Variants in ZNF217 observed in about 807,000 individuals in gnomAD.
ZNF217 encodes the protein zinc finger protein 217.
In ZNF217, 12 loss-of-function variants were observed where a neutral mutation model predicts 73.3. The ratio of observed to expected loss-of-function variants is 0.16; its 90% CI spans 0.10 to 0.27. ZNF217 has a LOEUF of 0.27. Ranked by LOEUF, ZNF217 falls within the 10% of genes least tolerant of loss-of-function variation. The pLI, the probability that ZNF217 is intolerant of heterozygous loss-of-function variation, is 1.00. For missense variants in ZNF217, 1,195 were observed against 1,327.8 expected, an observed-to-expected ratio of 0.90 and a Z score of 1.55; for synonymous variants, 588 against 516.4, an observed-to-expected ratio of 1.14 and a Z score of -1.88.
At position 53,577,031 on chromosome 20, in the gene ZNF217, T is replaced by A. The variant is rs770162700; in HGVS notation, c.1733A>T (p.Glu578Val). Residue 578 changes from glutamate to valine, a missense_variant, in exon 4 of 6, where the codon GAG (glutamate) becomes GTG (valine). This residue lies in a region of ZNF217 where 649 missense variants were observed against 642.8 expected (regional missense o/e 1.01). Transcript: ENST00000371471. ...AACATTCTGAAAAACAGAAGGCATC[T>A]CCTTAAGCTGCTTTGCAGGTGGACT... ...TGSPPAKQLK[E>V]MPSVFQNVLG... The A allele has an allele frequency of 6.2e-7, 1 of 1,614,230 alleles. No homozygotes were observed. The highest frequency in any genetic ancestry group is 8.5e-7 in the Non-Finnish European group (1 of 1,180,048).
chr20:53,571,925 G>A (rs1477333580), intron 4 of ZNF217, 72 bp from the exon 5 acceptor site: 1 of 1,463,482 alleles, frequency 6.8e-7, no homozygotes, highest in Non-Finnish European at 9.1e-7. Context: ...GTTTTTAGAA[G>A]TCAATTTTCA....
At chr20:53,597,091 A>AG (rs1211824027), upstream of ZNF217, among the ~76,000 whole-genome samples, 7 of 151,466 alleles carry the variant, frequency 4.6e-5, no homozygotes, top group African/African-American at 1.2e-4. Flanking sequence ...AACAAAAAAA[A>AG]AAAAAGAAAA....
At chr20:53,597,528 T>C (rs1414159124), upstream of ZNF217, 1 of 151,978 alleles carries the variant, frequency 6.6e-6, no homozygotes, top group South Asian at 2.1e-4. Context: ...TTCTATTAAG[T>C]TTCTTGATCC....
chr20:53,574,046 G>C (rs976643488), intron 4 of ZNF217, among the ~76,000 whole-genome samples: 9 of 151,404 alleles, frequency 5.9e-5, no homozygotes, highest in African/African-American at 1.9e-4. Flanking sequence ...CTCCAGCCTG[G>C]GCAACAGAGC....
upstream of ZNF217, among the ~76,000 whole-genome samples, chr20:53,597,188 G>A (rs1229756461): frequency 2.6e-5 from 4 of 151,972 alleles, no homozygotes; most frequent in Non-Finnish European, 5.9e-5. Context: ...AACAGAATGA[G>A]GTAGGATCTT....
rs753713444 is a variant in ZNF217, at chr20:53,582,511, T to C, written c.316A>G (p.Ser106Gly). Residue 106 changes from serine to glycine, a missense_variant, in exon 2 of 6, where the codon AGT becomes GGT. Physicochemically the swap from Ser to Gly is moderately conservative, Grantham distance 56 (BLOSUM62 0). Transcript: ENST00000371471. This position sits in a 1 kb window ranked among gnomAD's most constrained non-coding sequence, Gnocchi z 4.8. ...AVLRVEAEYL[S>G]PLDKSQVRTE... is the part of the protein sequence containing the mutation. Reference sequence around the variant, plus strand: ...CGCACTTGACTTTTATCAAGCGGACTGAGATACTCTGCTTCAACCCGAAGA... The same window carrying C: ...CGCACTTGACTTTTATCAAGCGGACCGAGATACTCTGCTTCAACCCGAAGA... The C allele has an allele frequency of 2.5e-6, 4 of 1,614,218 alleles. No individual in the cohort carries two copies. The highest frequency in any genetic ancestry group is 3.3e-5 in the Admixed American group (2 of 60,026).
upstream of ZNF217, among the ~76,000 whole-genome samples, chr20:53,596,312 T>C (rs775261534): frequency 6.6e-6 from 1 of 152,192 alleles, no homozygotes; most frequent in Non-Finnish European, 1.5e-5. Context: ...TTCACTGATC[T>C]GTCTGCTAAG....
At position 53,567,537 on chromosome 20, in the gene ZNF217, T is replaced by C. The variant is rs575088877; in HGVS notation, c.*1751A>G. On this transcript the variant is annotated 3_prime_UTR_variant, in exon 6 of 6. Transcript: ENST00000371471. ...CACATACCCCCTTTAAGATTTATGG[T>C]TCTAGTCACAGCAAGCTCTCTGTAA... 6.5e-6 allele frequency: 1 copy of C among 152,754 alleles called. No homozygotes were observed. Among genetic ancestry groups the C allele is most frequent in the African/African-American group, 2.4e-5 (1 of 41,568 alleles). 9.5% of individuals were successfully genotyped at this position (152,754 alleles called of 1,614,324 possible).
chr20:53,572,066 T>C (rs1049291848), intron 4 of ZNF217, among the ~76,000 whole-genome samples: 3 of 152,176 alleles, frequency 2.0e-5, no homozygotes, highest in Admixed American at 2.0e-4. Context: ...AACATTAAAA[T>C]TGTCTGGGCT....
At chr20:53,571,411 C>G (rs1226814296) in intron 5 of ZNF217, among the ~76,000 whole-genome samples, 1 of 120,902 alleles carries the variant, frequency 8.3e-6, no homozygotes, top group Non-Finnish European at 1.7e-5. Flanking sequence ...CCCCCGCCCC[C>G]CCTTTTTTTT....
chr20:53,591,769 T>C (rs1356964195), intron 1 of ZNF217, among the ~76,000 whole-genome samples: 2 of 152,242 alleles, frequency 1.3e-5, no homozygotes, highest in Admixed American at 6.5e-5. Flanking sequence ...TCCTCTGCAC[T>C]TGTCACTGCA....
At chr20:53,591,199 A>T (rs144605820) in intron 1 of ZNF217, among the ~76,000 whole-genome samples, 1 of 152,204 alleles carries the variant, frequency 6.6e-6, no homozygotes, top group Non-Finnish European at 1.5e-5. Flanking sequence ...CACAACTGCT[A>T]AACTTCGATC....
Position 53,575,976 on chromosome 20 carries a change from C to T in ZNF217, c.2788G>A (p.Asp930Asn), listed in dbSNP as rs1337458861. 1.9e-6 allele frequency: 3 copies of T among 1,614,096 alleles called. No individual in the cohort carries two copies. The highest frequency in any genetic ancestry group is 2.5e-6 in the Non-Finnish European group (3 of 1,180,046). Residue 930 changes from aspartate to asparagine, a missense_variant, in exon 4 of 6, where the codon GAC (aspartate) becomes AAC (asparagine). By Grantham distance (23) the Asp-to-Asn change is conservative. Around this residue, in one of 9 missense-constraint regions of ZNF217, gnomAD observed 649 missense variants for 642.8 expected, o/e 1.01. Transcript: ENST00000371471. Reference protein sequence around the residue: ...LKSSVVALDVDQPGANYRRGY... With the variant: ...LKSSVVALDVNQPGANYRRGY... ...CTTCTGTAATTGGCCCCGGGCTGGT[C>T]AACGTCAAGGGCAACCACGCTGGAC... is the stretch of plus-strand genomic sequence containing the variant.
chr20:53,571,681 C>A, intron 5 of ZNF217, 40 bp downstream of exon 5: 1 of 1,584,110 alleles, frequency 6.3e-7, no homozygotes, highest in Non-Finnish European at 8.6e-7. Flanking sequence ...GGCCACCGCA[C>A]TCAGCCAATC....
intron 1 of ZNF217, among the ~76,000 whole-genome samples, chr20:53,585,486 A>T (rs1006232959): frequency 2.6e-4 from 39 of 152,200 alleles, no homozygotes; most frequent in Non-Finnish European, 2.1e-4. Context: ...TGGAGGTTGC[A>T]GTGAGCCAAG....
At chr20:53,593,089 T>C (rs1229765172) in intron 1 of ZNF217, among the ~76,000 whole-genome samples, 2 of 151,706 alleles carry the variant, frequency 1.3e-5, no homozygotes, top group African/African-American at 2.4e-5. Flanking sequence ...TGCATCCCTG[T>C]TCAGGGATGA....
intron 4 of ZNF217, chr20:53,575,432 C>T (rs1056223243): frequency 2.6e-5 from 7 of 273,822 alleles, no homozygotes; most frequent in Non-Finnish European, 4.1e-5. Flanking sequence ...ATGATTACAC[C>T]GCTGCACTCC....
Position 53,583,013 on chromosome 20 carries a change from TG to T in ZNF217, c.-188del, listed in dbSNP as rs1379891971. The T allele has an allele frequency of 1.7e-6, 1 of 575,128 alleles. No homozygotes were observed. Among genetic ancestry groups the T allele is most frequent in the African/African-American group, 1.9e-5 (1 of 53,132 alleles). 35.6% of individuals were successfully genotyped at this position (575,128 alleles called of 1,614,324 possible). On this transcript the variant is annotated 5_prime_UTR_variant, in exon 2 of 6. An upstream open reading frame in the 5' UTR loses its in-frame stop. Transcript: ENST00000371471. ...TTAGGAAGCTCAGTGATGGTGTCAC[TG>T]GTTCTTTCCACAAACAAGGCATACA...
At chr20:53,573,768 T>A (rs1449894293) in intron 4 of ZNF217, among the ~76,000 whole-genome samples, 2 of 152,164 alleles carry the variant, frequency 1.3e-5, no homozygotes, top group Non-Finnish European at 2.9e-5. Context: ...ACCTCCCATA[T>A]ACTTTAAATC....
Sources: gnomAD v4.1 joint callset for allele counts (sites outside exome capture counted in the v4.1 genomes callset) on GRCh38, gnomAD v4.1.1 for gene constraint, gnomAD v4.1.1 regional missense constraint, Gnocchi (gnomAD v3.1) non-coding constraint, MANE v1.5 for transcripts, NCBI Gene and HGNC (gene_info 2026-07-23, HGNC 2026-07-21) for gene names.